Variants in SUCLG2 observed in about 807,000 individuals in gnomAD.
SUCLG2 encodes the protein succinate--CoA ligase [GDP-forming] subunit beta, mitochondrial.
Under a neutral mutation model 47.9 loss-of-function variants are expected in SUCLG2, and 42 were observed. The observed-to-expected ratio is 0.88, with a 90% confidence interval of 0.69 to 1.14. The LOEUF is 1.14. Ranked by LOEUF, SUCLG2 falls within the 50% of genes most tolerant of loss-of-function variation. The probability of loss-of-function intolerance (pLI) is 0.00; values close to 1 mark genes in which losing one functional copy is unlikely to be tolerated. For synonymous variants in SUCLG2, 195 were observed against 197.3 expected, an observed-to-expected ratio of 0.99 and a Z score of 0.10; for missense variants, 571 against 525.9, an observed-to-expected ratio of 1.09 and a Z score of -0.84.
chr3:67,380,735 C>G (rs1381403928), intron 10 of SUCLG2, among the ~76,000 whole-genome samples: 2 of 151,202 alleles, frequency 1.3e-5, no homozygotes, highest in African/African-American at 4.9e-5. Context: ...AAGAGAGAGA[C>G]AAGAGACAGA....
At chr3:67,621,004 C>G (rs1700726945) in intron 1 of SUCLG2, among the ~76,000 whole-genome samples, 1 of 152,204 alleles carries the variant, frequency 6.6e-6, no homozygotes, top group African/African-American at 2.4e-5. Flanking sequence ...TGGGAGAGAG[C>G]TGCATTAAAC....
intron 6 of SUCLG2, among the ~76,000 whole-genome samples, chr3:67,514,564 A>C (rs569744252): frequency 6.6e-6 from 1 of 152,334 alleles, no homozygotes; most frequent in Non-Finnish European, 1.5e-5. Context: ...GCACATGTTG[A>C]CAATTCGTGG....
At chr3:67,413,978 A>G (rs1702981639) in intron 9 of SUCLG2, among the ~76,000 whole-genome samples, 1 of 152,174 alleles carries the variant, frequency 6.6e-6, no homozygotes, top group East Asian at 1.9e-4. Context: ...AACTTATTTA[A>G]TGTCTATTTT....
intron 3 of SUCLG2, 110 bp downstream of exon 3, chr3:67,528,977 T>C (rs1706330195): frequency 5.0e-6 from 4 of 798,742 alleles, no homozygotes; most frequent in African/African-American, 1.8e-5. Context: ...CTAGTTGCTT[T>C]GGCCCGCTCC....
At chr3:67,524,191 C>A (rs1185817652) in intron 4 of SUCLG2, among the ~76,000 whole-genome samples, 1 of 152,170 alleles carries the variant, frequency 6.6e-6, no homozygotes, top group Admixed American at 6.5e-5. Flanking sequence ...CATCCCGGAG[C>A]AACTCCATTA....
At chr3:67,412,316 T>C (rs1162865189) in intron 9 of SUCLG2, among the ~76,000 whole-genome samples, 4 of 152,232 alleles carry the variant, frequency 2.6e-5, no homozygotes, top group Non-Finnish European at 4.4e-5. Flanking sequence ...TAACCTTTCA[T>C]GGACCTAGTA....
At chr3:67,609,869 A>C (rs995334265) in intron 1 of SUCLG2, among the ~76,000 whole-genome samples, 1 of 152,212 alleles carries the variant, frequency 6.6e-6, no homozygotes, top group Non-Finnish European at 1.5e-5. Context: ...AGTAATACAC[A>C]AATATCAATG....
intron 10 of SUCLG2, among the ~76,000 whole-genome samples, chr3:67,368,430 T>C (rs1381437577): frequency 2.0e-5 from 3 of 152,156 alleles, no homozygotes; most frequent in Admixed American, 6.6e-5. Context: ...TTTTAGTTGC[T>C]GGTCTTTTCT....
intron 7 of SUCLG2, among the ~76,000 whole-genome samples, chr3:67,504,245 G>T (rs1406716012): frequency 1.8e-4 from 27 of 151,644 alleles, no homozygotes; most frequent in Admixed American, 1.8e-3. Context: ...AATAGGTATG[G>T]GGTGGGTAGG....
intron 9 of SUCLG2, among the ~76,000 whole-genome samples, chr3:67,488,375 G>C (rs1705116639): frequency 6.6e-6 from 1 of 151,986 alleles, no homozygotes; most frequent in Admixed American, 6.6e-5. Flanking sequence ...GGGCAGCATG[G>C]AAAGAGGAAA....
chr3:67,429,362 G>C (rs13091292), intron 9 of SUCLG2, among the ~76,000 whole-genome samples: 3 of 152,120 alleles, frequency 2.0e-5, no homozygotes, highest in Non-Finnish European at 2.9e-5. Context: ...AGCTTCATAA[G>C]TGAAAGAGAA....
intron 1 of SUCLG2, among the ~76,000 whole-genome samples, chr3:67,641,615 T>C (rs1701101663): frequency 6.6e-6 from 1 of 152,198 alleles, no homozygotes; most frequent in Non-Finnish European, 1.5e-5. Context: ...AGGATGACTT[T>C]GTCACTCTCA....
chr3:67,380,945 C>T (rs576091519), intron 10 of SUCLG2, among the ~76,000 whole-genome samples: 11 of 152,232 alleles, frequency 7.2e-5, no homozygotes, highest in East Asian at 3.9e-4. Flanking sequence ...CTGCCCTTGT[C>T]GTTAACTACC....
downstream of SUCLG2, among the ~76,000 whole-genome samples, chr3:67,370,876 CTATT>C (rs1216491578): frequency 1.4e-4 from 21 of 152,214 alleles, no homozygotes; most frequent in East Asian, 1.5e-3. Flanking sequence ...TAATACAAGG[CTATT>C]TATTTATTTA....
chr3:67,402,865 C>T (rs913777956), intron 9 of SUCLG2, among the ~76,000 whole-genome samples: 2 of 152,186 alleles, frequency 1.3e-5, no homozygotes, highest in African/African-American at 2.4e-5. Context: ...TAAAGCTTTA[C>T]GATCATTTTA....
At chr3:67,523,158 T>C (rs1000259447) in intron 4 of SUCLG2, among the ~76,000 whole-genome samples, 1 of 152,310 alleles carries the variant, frequency 6.6e-6, no homozygotes, top group African/African-American at 2.4e-5. Context: ...TAGCATTAGA[T>C]TTTAACTACT....
intron 1 of SUCLG2, among the ~76,000 whole-genome samples, chr3:67,640,355 T>TA (rs1446940359): frequency 6.6e-6 from 1 of 152,228 alleles, no homozygotes; most frequent in African/African-American, 2.4e-5. Flanking sequence ...CAATGAATGT[T>TA]AAACAGAGTT....
chr3:67,484,162 C>G (rs1704990048), intron 9 of SUCLG2, among the ~76,000 whole-genome samples: 2 of 152,238 alleles, frequency 1.3e-5, no homozygotes, highest in African/African-American at 4.8e-5. Flanking sequence ...CGCATTGCCT[C>G]TGGCTGCTGG....
intron 1 of SUCLG2, among the ~76,000 whole-genome samples, chr3:67,642,714 A>G (rs1401244221): frequency 1.3e-5 from 2 of 152,198 alleles, no homozygotes; most frequent in Admixed American, 6.5e-5. Flanking sequence ...AATCCTCCTC[A>G]AGTGCACAGC....
Sources: gnomAD v4.1 joint callset for allele counts (sites outside exome capture counted in the v4.1 genomes callset) on GRCh38, gnomAD v4.1.1 for gene constraint, MANE v1.5 for transcripts, NCBI Gene and HGNC (gene_info 2026-07-23, HGNC 2026-07-21) for gene names.